The following LRRC53 variants were observed in gnomAD, a reference collection of about 807,000 sequenced individuals.
LRRC53 encodes the protein leucine rich repeat containing 53.
In LRRC53, 25 loss-of-function variants were observed where a neutral mutation model predicts 13.6. The observed-to-expected ratio is 1.83, with a 90% CI of 1.34 to 2.56. LRRC53 has a LOEUF of 2.56. LRRC53 is among the 30% of genes most tolerant of loss of function. The probability of loss-of-function intolerance (pLI) is 0.00; values close to 1 mark genes in which losing one functional copy is unlikely to be tolerated. For missense variants in LRRC53, 527 were observed against 275.8 expected (o/e 1.91, Z -6.45); for synonymous variants, 204 against 109.8 (o/e 1.86, Z -5.37).
In LRRC53 at chr1:74,470,389, A is replaced by G. The variant is rs2100734768; in HGVS notation, c.3233T>C (p.Ile1078Thr). The G allele has an allele frequency of 2.5e-6, 1 of 400,364 alleles. No homozygotes were observed. 24.8% of individuals were successfully genotyped at this position (400,364 alleles called of 1,614,324 possible). Residue 1078 changes from isoleucine to threonine, a missense_variant, in exon 5 of 5, where the codon ATA becomes ACA. By Grantham distance (89) the Ile-to-Thr change is moderately conservative (BLOSUM62 -1). Coordinates refer to ENST00000294635, the MANE Select transcript of LRRC53 (RefSeq NM_001382280.1). ...NDGTEALEIK[I>T]VGKEEKNMLD... The stretch of plus-strand genomic sequence containing the variant: ...CATATTTTTCTCTTCTTTCCCTACT[A>G]TTTTTATCTCTAGTGCTTCAGTGCC...
intron 1 of LRRC53, among the ~76,000 whole-genome samples, 193 bp downstream of exon 1, chr1:74,512,333 C>T (rs1487953603): frequency 6.6e-6 from 1 of 152,158 alleles, no homozygotes; most frequent in Non-Finnish European, 1.5e-5. Context: ...TAGAACTGTG[C>T]AAAACAGGCA....
rs1184856538 is a variant in LRRC53 at position 74,475,329 on chromosome 1, A to G, written c.1386T>C (p.Pro462=). ...LWNLEPGEVQ[P]QTLQHHIIRT... Reference sequence around the variant, plus strand: ...TTATTATATGGTGTTGCAGAGTTTGAGGCTGGACTTCTCCAGGCTCAAGAT... The same window carrying G: ...TTATTATATGGTGTTGCAGAGTTTGGGGCTGGACTTCTCCAGGCTCAAGAT... The change falls in exon 4 of 5, where the codon CCT becomes CCC. Residue 462 remains proline, a synonymous_variant. Coordinates refer to ENST00000294635, the MANE Select transcript of LRRC53 (RefSeq NM_001382280.1). 6 of 706,024 alleles carry G rather than the reference A, an allele frequency of 8.5e-6. 1 individual carries two copies. The highest frequency in any genetic ancestry group is 6.1e-5 in the South Asian group (4 of 66,094). The allele number at this position is 706,024 out of a possible 1,614,324, so 43.7% of individuals were successfully genotyped here. A position where few individuals can be genotyped will look rare whatever the true frequency, so the allele number is the denominator to read the frequency against.
At position 74,469,962 on chromosome 1, in the gene LRRC53, A is replaced by G. The variant is rs1161410101; in HGVS notation, c.3660T>C (p.Asn1220=). The G allele has an allele frequency of 2.5e-6, 1 of 400,578 alleles. No individual in the cohort carries two copies. The highest frequency in any genetic ancestry group is 2.1e-5 in the African/African-American group (1 of 48,720). The allele number at this position is 400,578 out of a possible 1,614,324, so 24.8% of individuals were successfully genotyped here. The change falls in exon 5 of 5, where the codon AAT becomes AAC. Residue 1220 remains asparagine (N), a synonymous_variant. Coordinates refer to ENST00000294635, the MANE Select transcript of LRRC53 (RefSeq NM_001382280.1). ...NEVFLVPSRI[N]EAENSAPKPV... Reference sequence around the variant, plus strand: ...GTTTTGGAGCAGAGTTTTCAGCTTCATTTATTCTGCTAGGAACTAAAAACA... The same window carrying G: ...GTTTTGGAGCAGAGTTTTCAGCTTCGTTTATTCTGCTAGGAACTAAAAACA...
At chr1:74,533,293 C>T in the LRRC53 span, among the ~76,000 whole-genome samples, 5 of 152,022 alleles carry the variant, frequency 3.3e-5, no homozygotes, top group African/African-American at 1.2e-4. Context: ...TTTATGCAGC[C>T]AAAAAACACA....
At chr1:74,511,214 T>C (rs1412907977) in intron 1 of LRRC53, among the ~76,000 whole-genome samples, 14 of 142,758 alleles carry the variant, frequency 9.8e-5, no homozygotes, top group Non-Finnish European at 2.1e-4. Flanking sequence ...TTTTCCGAGA[T>C]GGAATTTCGC....
intron 1 of LRRC53, among the ~76,000 whole-genome samples, chr1:74,512,037 C>T (rs1373588975): frequency 2.0e-5 from 3 of 152,162 alleles, no homozygotes; most frequent in African/African-American, 7.2e-5. Context: ...CTTCATGCAG[C>T]TTCCCTTCCA....
the LRRC53 span, among the ~76,000 whole-genome samples, chr1:74,519,954 G>A: frequency 6.6e-6 from 1 of 151,946 alleles, no homozygotes; most frequent in Non-Finnish European, 1.5e-5. Flanking sequence ...TTTCTCCTTT[G>A]GATACTGCCA....
At chr1:74,531,836 A>G in the LRRC53 span, among the ~76,000 whole-genome samples, 1 of 152,226 alleles carries the variant, frequency 6.6e-6, no homozygotes, top group Non-Finnish European at 1.5e-5. Context: ...TCCTTGTGCT[A>G]ATATTATCAC....
In LRRC53 at chr1:74,475,323, A is replaced by C. The variant is rs1668141619; in HGVS notation, c.1392T>G (p.Thr464=). Residue 464 remains threonine, a synonymous_variant, in exon 4 of 5, where the codon ACT becomes ACG. Transcript: ENST00000294635. ...CTGTTCTTATTATATGGTGTTGCAG[A>C]GTTTGAGGCTGGACTTCTCCAGGCT... is the stretch of plus-strand genomic sequence containing the variant. The part of the protein sequence containing the change: ...NLEPGEVQPQ[T]LQHHIIRTED... 1.4e-6 allele frequency: 1 copy of C among 698,876 alleles called. No individual in the cohort carries two copies. Among genetic ancestry groups the C allele is most frequent in the Non-Finnish European group, 2.6e-6 (1 of 377,972 alleles). 43.3% of individuals were successfully genotyped at this position (698,876 alleles called of 1,614,324 possible). A position where few individuals can be genotyped will look rare whatever the true frequency, so the allele number is the denominator to read the frequency against.
upstream of LRRC53, among the ~76,000 whole-genome samples, chr1:74,514,664 A>T (rs1163876928): frequency 6.6e-6 from 1 of 152,168 alleles, no homozygotes; most frequent in East Asian, 1.9e-4. Flanking sequence ...GATTGACTCC[A>T]GTCTATCTAA....
chr1:74,490,352 C>A (rs1011242343), intron 1 of LRRC53, among the ~76,000 whole-genome samples: 2 of 152,124 alleles, frequency 1.3e-5, no homozygotes, highest in Admixed American at 6.5e-5. Flanking sequence ...TTAAGAGACA[C>A]CTTCAAGACT....
At chr1:74,535,566 A>T in the LRRC53 span, among the ~76,000 whole-genome samples, 326 of 152,288 alleles carry the variant, frequency 2.1e-3, 1 homozygote, top group African/African-American at 7.4e-3. Context: ...AGGTTCCTGG[A>T]TCCCTCTACA....
the LRRC53 span, among the ~76,000 whole-genome samples, chr1:74,519,444 T>C: frequency 1.5e-5 from 2 of 130,992 alleles, no homozygotes; most frequent in Non-Finnish European, 3.0e-5. Context: ...TCTAGATCCC[T>C]GAGGAATCGC....
the LRRC53 span, among the ~76,000 whole-genome samples, chr1:74,521,287 T>C: frequency 6.6e-6 from 1 of 152,174 alleles, no homozygotes; most frequent in Non-Finnish European, 1.5e-5. Flanking sequence ...TTCTAGTTGC[T>C]CTTTGCTTCC....
At chr1:74,530,475 G>A in the LRRC53 span, among the ~76,000 whole-genome samples, 3 of 152,064 alleles carry the variant, frequency 2.0e-5, no homozygotes, top group Non-Finnish European at 2.9e-5. Flanking sequence ...AGTCCCTGGC[G>A]CTTAGCAGGT....
At chr1:74,520,709 A>G in the LRRC53 span, among the ~76,000 whole-genome samples, 18 of 152,124 alleles carry the variant, frequency 1.2e-4, no homozygotes, top group Admixed American at 4.6e-4. Context: ...GAAGGAAGGG[A>G]GGCCTGGGGC....
chr1:74,520,368 G>C, the LRRC53 span, among the ~76,000 whole-genome samples: 1 of 152,046 alleles, frequency 6.6e-6, no homozygotes. Context: ...ACTACTTCGC[G>C]TGAGTTCCAC....
the LRRC53 span, among the ~76,000 whole-genome samples, chr1:74,523,931 C>T: frequency 1.3e-5 from 2 of 152,134 alleles, no homozygotes; most frequent in African/African-American, 2.4e-5. Flanking sequence ...CCTTTCCCCC[C>T]ACCCCCGACA....
At chr1:74,522,599 A>G in the LRRC53 span, among the ~76,000 whole-genome samples, 5 of 152,128 alleles carry the variant, frequency 3.3e-5, no homozygotes, top group East Asian at 9.7e-4. Flanking sequence ...GCATATTCCC[A>G]AAATGTAAGT....
Sources: allele counts gnomAD v4.1 joint callset (sites outside exome capture counted in the v4.1 genomes callset), GRCh38; gene constraint gnomAD v4.1.1; transcripts MANE v1.5; gene names NCBI Gene and HGNC (gene_info 2026-07-23, HGNC 2026-07-21).